POMT2: variants seen among roughly 807,000 people sequenced by gnomAD.
The protein encoded by POMT2 is protein O-mannosyltransferase 2, also known as protein O-mannosyl-transferase 2.
POMT2 carries 75 observed loss-of-function variants against 100.0 expected under a neutral mutation model. The ratio of observed to expected loss-of-function variants is 0.75; its 90% CI spans 0.62 to 0.91. The LOEUF (loss-of-function observed/expected upper bound fraction) is 0.91. POMT2 is among the 40% of genes least tolerant of loss of function. The pLI is 0.00. For synonymous variants in POMT2, 378 were observed against 374.1 expected, an observed-to-expected ratio of 1.01 and a Z score of -0.12; for missense variants, 940 against 955.1, an observed-to-expected ratio of 0.98 and a Z score of 0.21.
Position 77,278,382 on chromosome 14 carries a change from A to G in POMT2, c.2147+12T>C. ...CACACTGGGAGGGCATGTGAGGTGC[A>G]GAGATGCTCACCTGTAGGCAGTTCC... On this transcript the variant is annotated intron_variant, in intron 20 of 20. Coordinates refer to ENST00000261534, the MANE Select transcript of POMT2 (RefSeq NM_013382.7). 2 of 1,457,060 alleles carry G rather than the reference A, an allele frequency of 1.4e-6. No homozygotes were observed. The highest frequency in any genetic ancestry group is 1.9e-6 in the Non-Finnish European group (2 of 1,062,006). The allele number at this position is 1,457,060 out of a possible 1,614,324, so 90.3% of individuals were successfully genotyped here.
At chr14:77,319,506 C>A (rs1056639604) in intron 1 of POMT2, 1 of 152,204 alleles carries the variant, frequency 6.6e-6, no homozygotes, top group African/African-American at 2.4e-5. Context: ...TCACCTGGGC[C>A]ATTTCTCATG....
In POMT2 at chr14:77,280,559, C is replaced by T. The variant is rs371128788; in HGVS notation, c.1654-96G>A. 35 of 1,589,034 alleles carry T rather than the reference C, an allele frequency of 2.2e-5. No individual in the cohort carries two copies. The Admixed American group carries it at 2.6e-4, about 12-fold the overall frequency. ...GTTTTTCTGATATAGGGCCAAGCGC[C>T]GAGCAGAACCTTCTCTCCTTCCCTT... On this transcript the variant is annotated intron_variant, in intron 15 of 20. Coordinates refer to ENST00000261534, the MANE Select transcript of POMT2 (RefSeq NM_013382.7).
rs765920186 is a variant in POMT2 at position 77,301,343 on chromosome 14, G to T, written c.657-94C>A. ...ACAGGGCAGTTCTCAGACTTGGAGC[G>T]GCTGTGCTGTGCCCTGTCTTGGGGG... On this transcript the variant is annotated intron_variant, in intron 5 of 20. Transcript: ENST00000261534. The T allele has an allele frequency of 7.1e-4, 1,077 of 1,519,040 alleles. 2 individuals are homozygous for T. Among genetic ancestry groups the T allele is most frequent in the Non-Finnish European group, 9.3e-4 (1,026 of 1,105,936 alleles). 94.1% of individuals were successfully genotyped at this position (1,519,040 alleles called of 1,614,324 possible). A position where few individuals can be genotyped will look rare whatever the true frequency, so the allele number is the denominator to read the frequency against.
chr14:77,318,598 G>A (rs1891710585), intron 1 of POMT2, among the ~76,000 whole-genome samples: 1 of 152,146 alleles, frequency 6.6e-6, no homozygotes, highest in Non-Finnish European at 1.5e-5. Context: ...TTAAACCACT[G>A]TAATGGTAAT....
chr14:77,280,232 T>C (rs1890163506), intron 16 of POMT2, 152 bp from the exon 17 acceptor site: 2 of 1,558,192 alleles, frequency 1.3e-6, no homozygotes, highest in African/African-American at 1.4e-5. Context: ...GGAAGCAGGG[T>C]CAGAATTAGG....
rs568984005 is a variant in POMT2, at chr14:77,278,325, C to T, written c.2147+69G>A. On this transcript the variant is annotated intron_variant, in intron 20 of 20. Coordinates refer to ENST00000261534, the MANE Select transcript of POMT2 (RefSeq NM_013382.7). ...TGTTAAAAGCACCGCAGGGGATTCTCGAATGCATCAGGGCTGAGGCACTGC... is the reference window on the plus strand; with the variant it reads ...TGTTAAAAGCACCGCAGGGGATTCTTGAATGCATCAGGGCTGAGGCACTGC... 2.2e-3 allele frequency: 2,704 copies of T among 1,257,584 alleles called. 6 individuals are homozygous for T. The highest frequency in any genetic ancestry group is 2.8e-3 in the Admixed American group (141 of 50,582). The allele number at this position is 1,257,584 out of a possible 1,614,324, so 77.9% of individuals were successfully genotyped here.
chr14:77,281,204 G>A (rs1189550961), intron 15 of POMT2, among the ~76,000 whole-genome samples: 1 of 152,116 alleles, frequency 6.6e-6, no homozygotes, highest in African/African-American at 2.4e-5. Context: ...AAACTCTCAT[G>A]CGTGCCTAGA....
intron 1 of POMT2, among the ~76,000 whole-genome samples, chr14:77,318,908 G>C (rs1342707687): frequency 2.0e-5 from 3 of 152,090 alleles, no homozygotes; most frequent in African/African-American, 7.2e-5. Flanking sequence ...GCTAAGTCTT[G>C]TATTTTCAGT....
At chr14:77,313,631 G>C (rs1444988407) in intron 1 of POMT2, among the ~76,000 whole-genome samples, 1 of 152,240 alleles carries the variant, frequency 6.6e-6, no homozygotes, top group East Asian at 1.9e-4. Flanking sequence ...CCTGACATTT[G>C]TGGTTAGTTT....
intron 9 of POMT2, 55 bp from the exon 10 acceptor site, chr14:77,291,435 C>T: frequency 6.3e-7 from 1 of 1,577,444 alleles, no homozygotes. Flanking sequence ...AATACCATCA[C>T]TATCAGCACA....
At chr14:77,293,233 A>G (rs1054237855) in intron 9 of POMT2, among the ~76,000 whole-genome samples, 6 of 152,234 alleles carry the variant, frequency 3.9e-5, no homozygotes, top group African/African-American at 1.4e-4. Context: ...TTAAGGTTCT[A>G]TGATGCTCGT....
At chr14:77,308,357 T>TG (rs1891303992) in intron 2 of POMT2, among the ~76,000 whole-genome samples, 1 of 26,274 alleles carries the variant, frequency 3.8e-5, no homozygotes, top group South Asian at 8.5e-4. Context: ...AGTTTTTTTG[T>TG]TTTTTTTTTT....
intron 1 of POMT2, among the ~76,000 whole-genome samples, chr14:77,314,349 T>C (rs961558442): frequency 3.9e-5 from 6 of 152,228 alleles, no homozygotes; most frequent in African/African-American, 1.4e-4. Flanking sequence ...CAAAGGAAAC[T>C]GATGCCAACA....
intron 18 of POMT2, chr14:77,279,613 A>G: frequency 1.5e-6 from 1 of 686,086 alleles, no homozygotes; most frequent in Non-Finnish European, 2.7e-6. Flanking sequence ...GGGTCATAAT[A>G]GCCAACGCTC....
At chr14:77,278,284 G>T in intron 20 of POMT2, 110 bp downstream of exon 20, 1 of 926,838 alleles carries the variant, frequency 1.1e-6, no homozygotes, top group Non-Finnish European at 1.7e-6. Context: ...GAACCTCCAG[G>T]CATGGGCACT....
chr14:77,296,244 TCA>T lies in POMT2; in HGVS notation c.1034_1035del (p.Val345GlufsTer46), dbSNP rs1890825132. 1.9e-6 allele frequency: 3 copies of T among 1,606,230 alleles called. No individual in the cohort carries two copies. The African/African-American group carries it at 4.0e-5, about 21-fold the overall frequency. ...EHLAYGSVIT[V>X]KNLRMAIGYL... ...TAGCCGATGGCCATCCGGAGGTTCTTCACAGTGATCACAGAGCCGTAGGCCAG... is the reference window on the plus strand; with the variant it reads ...TAGCCGATGGCCATCCGGAGGTTCTTCAGTGATCACAGAGCCGTAGGCCAG... On this transcript the variant is annotated frameshift_variant, in exon 9 of 21. Transcript: ENST00000261534. LOFTEE classifies it high-confidence loss of function.
rs1183767961 is a variant in POMT2 at position 77,304,771 on chromosome 14, G to A, written c.468C>T (p.Val156=). ...CCAGTACAGTGAGGTAGGCAAAGGG[G>A]ACCAGCCAGGAGCCAAGGAATGCAC... ...GFCAFLGSWL[V]PFAYLTVLDL... is the part of the protein sequence containing the mutation. Residue 156 remains valine, a synonymous_variant, in exon 4 of 21, where the codon GTC becomes GTT. Transcript: ENST00000261534. The A allele has an allele frequency of 3.1e-6, 5 of 1,598,498 alleles. No individual in the cohort carries two copies. The highest frequency in any genetic ancestry group is 2.3e-5 in the South Asian group (2 of 87,544).
At position 77,277,293 on chromosome 14, in the gene POMT2, T is replaced by A; in HGVS notation, c.*83A>T. On this transcript the variant is annotated 3_prime_UTR_variant, in exon 21 of 21. Transcript: ENST00000261534. ...TCTTCGGGCTCCTTAGGCAGCTTCCTCATGGCCGGATGGTCCAGTACTGCT... is the reference window on the plus strand; with the variant it reads ...TCTTCGGGCTCCTTAGGCAGCTTCCACATGGCCGGATGGTCCAGTACTGCT... 8.0e-7 allele frequency: 1 copy of A among 1,243,930 alleles called. No homozygotes were observed. Among genetic ancestry groups the A allele is most frequent in the South Asian group, 1.2e-5 (1 of 81,292 alleles). The allele number at this position is 1,243,930 out of a possible 1,614,324, so 77.1% of individuals were successfully genotyped here.
At chr14:77,310,922 T>C (rs988167749) in intron 2 of POMT2, among the ~76,000 whole-genome samples, 5 of 152,134 alleles carry the variant, frequency 3.3e-5, no homozygotes, top group African/African-American at 1.2e-4. Context: ...CCACCTGAGG[T>C]TGGGAGTTCA....
Sources: allele counts gnomAD v4.1 joint callset (sites outside exome capture counted in the v4.1 genomes callset), GRCh38; gene constraint gnomAD v4.1.1; transcripts MANE v1.5; gene names NCBI Gene and HGNC (gene_info 2026-07-23, HGNC 2026-07-21).